RNF169: variants seen among roughly 807,000 people sequenced by gnomAD.
RNF169 encodes the protein E3 ubiquitin-protein ligase RNF169.
RNF169 carries 24 observed loss-of-function variants against 53.9 expected under a neutral mutation model. The ratio of observed to expected loss-of-function variants is 0.45; its 90% CI spans 0.32 to 0.63. The LOEUF (loss-of-function observed/expected upper bound fraction) is 0.63. Ranked by LOEUF, RNF169 falls within the 20% of genes least tolerant of loss-of-function variation. RNF169 has a pLI of 0.04. For synonymous variants in RNF169, 396 were observed against 363.5 expected (o/e 1.09, Z -1.02); for missense variants, 883 against 906.2 (o/e 0.97, Z 0.33).
chr11:74,764,120 A>G (rs2035133810), intron 1 of RNF169, among the ~76,000 whole-genome samples: 1 of 152,264 alleles, frequency 6.6e-6, no homozygotes, highest in Non-Finnish European at 1.5e-5. Flanking sequence ...AATGAAAGAC[A>G]GAGGAGCAAT....
chr11:74,819,121 A>G (rs2035977191), intron 4 of RNF169, among the ~76,000 whole-genome samples: 1 of 152,106 alleles, frequency 6.6e-6, no homozygotes, highest in African/African-American at 2.4e-5. Context: ...ATTTCATACA[A>G]AATGGAATCT....
At chr11:74,775,027 C>A (rs1295878002) in intron 1 of RNF169, among the ~76,000 whole-genome samples, 1 of 152,150 alleles carries the variant, frequency 6.6e-6, no homozygotes, top group Non-Finnish European at 1.5e-5. Context: ...TTAGACAATT[C>A]TTTGGAGGAA....
At chr11:74,784,225 G>C (rs944253824) in intron 1 of RNF169, among the ~76,000 whole-genome samples, 4 of 152,144 alleles carry the variant, frequency 2.6e-5, no homozygotes, top group African/African-American at 9.7e-5. Flanking sequence ...TCAAAGTATT[G>C]TTACTGAATC....
chr11:74,833,218 T>C (rs540478955), intron 4 of RNF169, among the ~76,000 whole-genome samples: 14 of 152,292 alleles, frequency 9.2e-5, no homozygotes, highest in African/African-American at 3.1e-4. Flanking sequence ...TTACTAGAGA[T>C]GTAGGGAGAA....
At position 74,765,684 on chromosome 11, in the gene RNF169, C is replaced by T. The variant is rs151301537; in HGVS notation, c.502+16302C>T. Among the ~76,000 whole-genome samples the T allele has an allele frequency of 6.5e-3, 982 of 152,024 alleles. 10 individuals carry two copies. The highest frequency in any genetic ancestry group is 0.022 in the African/African-American group (929 of 41,486). Reference sequence around the variant, plus strand: ...AAGTGTGGTGGTGGGTGCCTGTAATCCCAGCTACTTGGGAGGCTGAGGCAG... The same window carrying T: ...AAGTGTGGTGGTGGGTGCCTGTAATTCCAGCTACTTGGGAGGCTGAGGCAG... On this transcript the variant is annotated intron_variant, in intron 1 of 5. Coordinates refer to ENST00000299563, the MANE Select transcript of RNF169 (RefSeq NM_001098638.2).
intron 3 of RNF169, among the ~76,000 whole-genome samples, chr11:74,814,382 T>C (rs1450789753): frequency 1.9e-4 from 23 of 123,444 alleles, no homozygotes; most frequent in African/African-American, 8.7e-4. Context: ...TTTCTTGCCT[T>C]TTTTTTTTTT....
At chr11:74,778,248 G>T (rs985428460) in intron 1 of RNF169, among the ~76,000 whole-genome samples, 2 of 151,948 alleles carry the variant, frequency 1.3e-5, no homozygotes, top group African/African-American at 4.8e-5. Context: ...ATATTTTCTC[G>T]TTCTGCAGTA....
chr11:74,813,475 A>G (rs1215742577), intron 3 of RNF169, among the ~76,000 whole-genome samples: 1 of 152,226 alleles, frequency 6.6e-6, no homozygotes, highest in Non-Finnish European at 1.5e-5. Flanking sequence ...AATTGGATAC[A>G]GCAGTTATGG....
chr11:74,748,925 A>T lies in RNF169; in HGVS notation c.45A>T (p.Ala15=), dbSNP rs1372679778. ...GPSTRASSAA[A]AAALSRRGRR... ...GTACTCGGGCCTCTTCCGCGGCGGC[A>T]GCAGCCGCTCTGAGTCGGCGGGGCC... Residue 15 remains alanine (A), a synonymous_variant, in exon 1 of 6, where the codon GCA becomes GCT. Transcript: ENST00000299563. The T allele has an allele frequency of 3.4e-6, 5 of 1,450,850 alleles. No homozygotes were observed. The East Asian group carries it at 1.5e-4, about 42-fold the overall frequency. The allele number at this position is 1,450,850 out of a possible 1,614,324, so 89.9% of individuals were successfully genotyped here. A position where few individuals can be genotyped will look rare whatever the true frequency, so the allele number is the denominator to read the frequency against.
At chr11:74,815,165 G>A (rs2035926664) in intron 3 of RNF169, among the ~76,000 whole-genome samples, 1 of 152,176 alleles carries the variant, frequency 6.6e-6, no homozygotes, top group Non-Finnish European at 1.5e-5. Context: ...TGAAAGATGA[G>A]GGGTAAATAT....
At chr11:74,783,306 G>T (rs1285100924) in intron 1 of RNF169, among the ~76,000 whole-genome samples, 1 of 151,684 alleles carries the variant, frequency 6.6e-6, no homozygotes, top group East Asian at 1.9e-4. Context: ...TTTTCAGGAA[G>T]GATCTTCAGG....
intron 1 of RNF169, among the ~76,000 whole-genome samples, chr11:74,768,623 G>T (rs1452070723): frequency 6.7e-6 from 1 of 149,492 alleles, no homozygotes; most frequent in South Asian, 2.1e-4. Flanking sequence ...AAAAAAAAAA[G>T]GTTGTAAATG....
chr11:74,802,371 C>T (rs1298639416), intron 2 of RNF169, among the ~76,000 whole-genome samples: 1 of 152,150 alleles, frequency 6.6e-6, no homozygotes, highest in African/African-American at 2.4e-5. Context: ...CCAGGCTGGG[C>T]GTGGTGTCTC....
chr11:74,809,525 A>G (rs1018477919), intron 2 of RNF169, among the ~76,000 whole-genome samples: 1 of 152,186 alleles, frequency 6.6e-6, no homozygotes, highest in Admixed American at 6.5e-5. Context: ...TCTCTGCCAT[A>G]AATTTCTTTG....
chr11:74,748,901 T>G lies in RNF169; in HGVS notation c.21T>G (p.Ser7Arg), dbSNP rs754826982. The change falls in exon 1 of 6, where the codon AGT becomes AGG. Residue 7 changes from serine (S) to arginine (R), a missense_variant. Transcript: ENST00000299563. The stretch of plus-strand genomic sequence containing the variant: ...ACAAGATGGCGGCTGCAGGTCCGAG[T>G]ACTCGGGCCTCTTCCGCGGCGGCAG... MAAAGPSTRASSAAAAA... is the reference protein window; with the variant it reads MAAAGPRTRASSAAAAA... 7.0e-7 allele frequency: 1 copy of G among 1,431,762 alleles called. No individual in the cohort carries two copies. The highest frequency in any genetic ancestry group is 2.6e-5 in the Admixed American group (1 of 39,040). The allele number at this position is 1,431,762 out of a possible 1,614,324, so 88.7% of individuals were successfully genotyped here.
At chr11:74,758,810 A>T (rs552824630) in intron 1 of RNF169, among the ~76,000 whole-genome samples, 1 of 151,906 alleles carries the variant, frequency 6.6e-6, no homozygotes, top group African/African-American at 2.4e-5. Context: ...GGCCGTCCAT[A>T]TGAACTTTAA....
At chr11:74,775,590 A>T (rs80108210) in intron 1 of RNF169, among the ~76,000 whole-genome samples, 84 of 152,022 alleles carry the variant, frequency 5.5e-4, no homozygotes, top group Non-Finnish European at 9.9e-4. Context: ...GAATATCGTA[A>T]GCTTTTTGAA....
At chr11:74,777,695 T>A (rs778758622) in intron 1 of RNF169, among the ~76,000 whole-genome samples, 9 of 152,092 alleles carry the variant, frequency 5.9e-5, no homozygotes, top group African/African-American at 1.2e-4. Flanking sequence ...TTGCCCAGGT[T>A]GGAGTGCAGT....
intron 1 of RNF169, among the ~76,000 whole-genome samples, chr11:74,787,969 C>T (rs1473415776): frequency 6.6e-6 from 1 of 151,752 alleles, no homozygotes; most frequent in Admixed American, 6.6e-5. Context: ...ATCAGTTTTA[C>T]TAGAGACTGA....
Sources: gnomAD v4.1 joint callset for allele counts (sites outside exome capture counted in the v4.1 genomes callset) on GRCh38, gnomAD v4.1.1 for gene constraint, MANE v1.5 for transcripts, NCBI Gene and HGNC (gene_info 2026-07-23, HGNC 2026-07-21) for gene names.